The following SHLD1 variants were observed in gnomAD, a reference collection of about 807,000 sequenced individuals.
SHLD1 encodes the protein RINN1-REV7-interacting novel NHEJ regulator 3.
A neutral mutation model predicts 5.5 loss-of-function variants in SHLD1; 3 were observed. That is an observed-to-expected ratio of 0.54 (90% CI 0.25 to 1.40). The LOEUF is 1.40. Ranked by LOEUF, SHLD1 falls within the 40% of genes most tolerant of loss-of-function variation. The probability of loss-of-function intolerance (pLI) is 0.15; values close to 1 mark genes in which losing one functional copy is unlikely to be tolerated. For synonymous variants in SHLD1, 92 were observed against 94.3 expected, an observed-to-expected ratio of 0.98 and a Z score of 0.14; for missense variants, 210 against 244.4, an observed-to-expected ratio of 0.86 and a Z score of 0.94.
At chr20:5,768,299 C>A (rs1984957004) in intron 1 of SHLD1, among the ~76,000 whole-genome samples, 1 of 151,890 alleles carries the variant, frequency 6.6e-6, no homozygotes, top group Admixed American at 6.6e-5. Context: ...ACTTTAAACC[C>A]CTGATACGCT....
intron 2 of SHLD1, among the ~76,000 whole-genome samples, chr20:5,805,937 G>A (rs1243645336): frequency 1.3e-5 from 2 of 152,150 alleles, no homozygotes; most frequent in African/African-American, 4.8e-5. Context: ...TGACGGCTGG[G>A]TCTGGTGACC....
intron 2 of SHLD1, among the ~76,000 whole-genome samples, chr20:5,831,385 G>A (rs929648323): frequency 6.6e-6 from 1 of 152,174 alleles, no homozygotes; most frequent in African/African-American, 2.4e-5. Context: ...GTAATTTACA[G>A]CCATCATCAA....
At chr20:5,856,685 G>A (rs112407453) in intron 2 of SHLD1, among the ~76,000 whole-genome samples, 97 of 152,246 alleles carry the variant, frequency 6.4e-4, no homozygotes, top group South Asian at 2.1e-4. Context: ...ATTGATGACC[G>A]GAACATCCCC....
At chr20:5,833,866 A>G (rs1318585072) in intron 2 of SHLD1, among the ~76,000 whole-genome samples, 1 of 152,162 alleles carries the variant, frequency 6.6e-6, no homozygotes, top group African/African-American at 2.4e-5. Context: ...CATAATTTAG[A>G]TTCACATCTT....
chr20:5,811,884 C>T (rs901039739), intron 2 of SHLD1, among the ~76,000 whole-genome samples: 4 of 151,846 alleles, frequency 2.6e-5, no homozygotes, highest in Non-Finnish European at 5.9e-5. Flanking sequence ...ATTTGAACAC[C>T]TGCACTAAAC....
Position 5,828,774 on chromosome 20 carries a change from A to T in SHLD1, c.179-34250A>T, listed in dbSNP as rs570832186. On this transcript the variant is annotated intron_variant, in intron 2 of 2. Transcript: ENST00000303142. Reference sequence around the variant, plus strand: ...CGATTTAGTAATTTTGAAGATGTGTAATAGGCATTATCAGGTCTTAAAATT... The same window carrying T: ...CGATTTAGTAATTTTGAAGATGTGTTATAGGCATTATCAGGTCTTAAAATT... 2.0e-5 allele frequency among the ~76,000 whole-genome samples: 3 copies of T among 152,354 alleles called. No individual in the cohort carries two copies. The South Asian group carries it at 6.2e-4, about 32-fold the overall frequency.
chr20:5,797,404 T>A (rs1002432240), intron 2 of SHLD1, among the ~76,000 whole-genome samples: 1 of 151,966 alleles, frequency 6.6e-6, no homozygotes, highest in African/African-American at 2.4e-5. Flanking sequence ...CTACAAAATA[T>A]AAACAAAATA....
At chr20:5,769,082 T>A (rs1985005089) in intron 1 of SHLD1, among the ~76,000 whole-genome samples, 1 of 152,116 alleles carries the variant, frequency 6.6e-6, no homozygotes, top group Admixed American at 6.6e-5. Context: ...ATTTTTAAAA[T>A]TTTTTGTAAA....
chr20:5,853,324 C>T (rs1187285147), intron 2 of SHLD1, among the ~76,000 whole-genome samples: 1 of 152,026 alleles, frequency 6.6e-6, no homozygotes, highest in Non-Finnish European at 1.5e-5. Context: ...TGCACGCCTG[C>T]AGTCCCAGCT....
At chr20:5,836,886 T>C (rs2087795495) in intron 2 of SHLD1, among the ~76,000 whole-genome samples, 1 of 152,020 alleles carries the variant, frequency 6.6e-6, no homozygotes, top group Non-Finnish European at 1.5e-5. Context: ...AGACCAAGAC[T>C]GATAAATAAA....
chr20:5,824,572 A>C (rs1450538786), intron 2 of SHLD1, among the ~76,000 whole-genome samples: 1 of 151,532 alleles, frequency 6.6e-6, no homozygotes, highest in Non-Finnish European at 1.5e-5. Flanking sequence ...ATGAATAATT[A>C]ATTATTATTT....
At chr20:5,803,040 T>C (rs2087318983) in intron 2 of SHLD1, among the ~76,000 whole-genome samples, 1 of 152,226 alleles carries the variant, frequency 6.6e-6, no homozygotes, top group Non-Finnish European at 1.5e-5. Flanking sequence ...GGGCTTATTC[T>C]TGCCTTTAAT....
chr20:5,767,259 G>A (rs763474401), intron 1 of SHLD1, among the ~76,000 whole-genome samples: 28 of 151,820 alleles, frequency 1.8e-4, no homozygotes, highest in African/African-American at 6.5e-4. Context: ...TCAGCCTCCC[G>A]AGTTGCTGGG....
intron 2 of SHLD1, among the ~76,000 whole-genome samples, chr20:5,816,954 A>C (rs191249976): frequency 6.6e-6 from 1 of 152,226 alleles, no homozygotes; most frequent in African/African-American, 2.4e-5. Context: ...CTGTAGCCCC[A>C]GTTATCTTGG....
intron 2 of SHLD1, among the ~76,000 whole-genome samples, chr20:5,777,214 C>T (rs1443435412): frequency 1.3e-5 from 2 of 152,144 alleles, no homozygotes; most frequent in Non-Finnish European, 2.9e-5. Context: ...GTCTTGAACT[C>T]CTGACCTCAA....
chr20:5,797,720 C>A (rs576709339), intron 2 of SHLD1, among the ~76,000 whole-genome samples: 1 of 152,312 alleles, frequency 6.6e-6, no homozygotes, highest in East Asian at 1.9e-4. Flanking sequence ...GGAGACATGT[C>A]TAACTTGTTT....
chr20:5,780,727 C>A (rs570511914), intron 2 of SHLD1, among the ~76,000 whole-genome samples: 1 of 152,338 alleles, frequency 6.6e-6, no homozygotes, highest in Admixed American at 6.5e-5. Context: ...TTTGAAGGGG[C>A]TGCCTGCCTT....
chr20:5,786,683 A>T (rs921610583), intron 2 of SHLD1, among the ~76,000 whole-genome samples: 1 of 152,226 alleles, frequency 6.6e-6, no homozygotes, highest in Non-Finnish European at 1.5e-5. Flanking sequence ...CCCTGAAGGA[A>T]GGAGCGCTGC....
chr20:5,796,983 C>A (rs760591627), intron 2 of SHLD1, among the ~76,000 whole-genome samples: 8 of 151,960 alleles, frequency 5.3e-5, no homozygotes, highest in Non-Finnish European at 8.8e-5. Context: ...TTCTAACTAG[C>A]CAGGAAAATG....
Sources: gnomAD v4.1 joint callset for allele counts (sites outside exome capture counted in the v4.1 genomes callset) on GRCh38, gnomAD v4.1.1 for gene constraint, MANE v1.5 for transcripts, NCBI Gene and HGNC (gene_info 2026-07-23, HGNC 2026-07-21) for gene names.